The following NRG3 variants were observed in gnomAD, a reference collection of about 807,000 sequenced individuals.
NRG3 encodes pro-neuregulin-3, membrane-bound isoform.
Under a neutral mutation model 66.9 loss-of-function variants are expected in NRG3, and 31 were observed. The ratio of observed to expected loss-of-function variants is 0.46; its 90% confidence interval spans 0.35 to 0.63. The LOEUF is 0.63. Among genes scored for constraint, NRG3 ranks in the 20% least tolerant of loss-of-function variants. The pLI is 0.00. For missense variants in NRG3, 910 were observed against 878.9 expected (o/e 1.04, Z -0.45); for synonymous variants, 393 against 359.4 (o/e 1.09, Z -1.06).
chr10:82,148,424 T>C (rs1291545713), intron 1 of NRG3, among the ~76,000 whole-genome samples: 1 of 152,226 alleles, frequency 6.6e-6, no homozygotes, highest in Non-Finnish European at 1.5e-5. Context: ...GTGAGGAACT[T>C]ACTTTCTGCC....
At chr10:82,102,147 T>TGTGTGTGTATTC (rs1382778888) in intron 1 of NRG3, among the ~76,000 whole-genome samples, 1 of 84,114 alleles carries the variant, frequency 1.2e-5, no homozygotes, top group East Asian at 2.8e-4. Context: ...TATATATATA[T>TGTGTGTGTATTC]ATATATATAT....
intron 2 of NRG3, among the ~76,000 whole-genome samples, chr10:82,714,734 T>A (rs2056874916): frequency 6.6e-6 from 1 of 152,222 alleles, no homozygotes; most frequent in Non-Finnish European, 1.5e-5. Context: ...AAATATTTTT[T>A]TAATTAGCAA....
At chr10:82,275,153 A>G (rs1241430064) in intron 1 of NRG3, among the ~76,000 whole-genome samples, 2 of 152,074 alleles carry the variant, frequency 1.3e-5, no homozygotes, top group African/African-American at 2.4e-5. Context: ...AAACTTTTCT[A>G]TGATTTAAAA....
At chr10:82,460,207 G>GT (rs2131956095) in intron 2 of NRG3, among the ~76,000 whole-genome samples, 2 of 152,266 alleles carry the variant, frequency 1.3e-5, no homozygotes, top group South Asian at 4.1e-4. Context: ...GACTGAGTTG[G>GT]TACATTGGGT....
chr10:82,630,741 C>A (rs1387287931), intron 2 of NRG3, among the ~76,000 whole-genome samples: 1 of 151,838 alleles, frequency 6.6e-6, no homozygotes, highest in Non-Finnish European at 1.5e-5. Flanking sequence ...TCATATGAAT[C>A]TAGACTATTT....
At chr10:82,242,141 A>T (rs2077034361) in intron 1 of NRG3, among the ~76,000 whole-genome samples, 1 of 152,180 alleles carries the variant, frequency 6.6e-6, no homozygotes, top group Admixed American at 6.5e-5. Flanking sequence ...TAACAGTGGG[A>T]TATGACAAAC....
chr10:82,161,169 A>C (rs145805459), intron 1 of NRG3, among the ~76,000 whole-genome samples: 231 of 152,200 alleles, frequency 1.5e-3, no homozygotes, highest in African/African-American at 5.2e-3. Context: ...GATGTCAAAT[A>C]AGCCATTGAG....
Position 82,932,612 on chromosome 10 carries a change from G to A in NRG3, c.1055-18857G>A, listed in dbSNP as rs143047426. ...TCTGTGGCCAGCATCCAACTCAGCAGGATCAGATGATTCCGGAAACACTGA... is the reference window on the plus strand; with the variant it reads ...TCTGTGGCCAGCATCCAACTCAGCAAGATCAGATGATTCCGGAAACACTGA... On this transcript the variant is annotated intron_variant, in intron 4 of 8. Transcript: ENST00000372141. Among the ~76,000 whole-genome samples the A allele has an allele frequency of 9.1e-4, 138 of 152,206 alleles. 3 individuals are homozygous for A. In the East Asian group the frequency reaches 0.023, roughly 25 times the overall value.
At chr10:82,755,448 C>CA (rs1326187986) in intron 3 of NRG3, among the ~76,000 whole-genome samples, 4 of 151,998 alleles carry the variant, frequency 2.6e-5, no homozygotes, top group Admixed American at 6.6e-5. Flanking sequence ...CCTCTCTGCC[C>CA]AAAAAATCAT....
intron 2 of NRG3, among the ~76,000 whole-genome samples, chr10:82,540,127 TTTG>T (rs2043437078): frequency 6.6e-6 from 1 of 151,392 alleles, no homozygotes; most frequent in African/African-American, 2.4e-5. Context: ...CTGTTGCTGC[TTTG>T]TTTTTTTCAG....
At chr10:82,204,803 T>C (rs552612297) in intron 1 of NRG3, among the ~76,000 whole-genome samples, 1 of 152,336 alleles carries the variant, frequency 6.6e-6, no homozygotes, top group South Asian at 2.1e-4. Context: ...CTCAAAACAG[T>C]GAAGTGGCTA....
chr10:81,956,420 T>C, intron 1 of NRG3, among the ~76,000 whole-genome samples: 1 of 152,148 alleles, frequency 6.6e-6, no homozygotes, highest in Admixed American at 6.5e-5. Context: ...AGCTTTTGAG[T>C]CATTTGGTGA....
intron 3 of NRG3, among the ~76,000 whole-genome samples, chr10:82,857,588 A>T (rs1404577935): frequency 6.6e-6 from 1 of 152,184 alleles, no homozygotes; most frequent in Non-Finnish European, 1.5e-5. Flanking sequence ...ATAAAACAGG[A>T]TGATTTTGTG....
At chr10:82,046,683 C>G (rs1189611418) in intron 1 of NRG3, among the ~76,000 whole-genome samples, 2 of 47,972 alleles carry the variant, frequency 4.2e-5, no homozygotes, top group Non-Finnish European at 6.3e-5. Context: ...TTTGCCCATT[C>G]AGTATGATAT....
At chr10:82,035,574 T>G (rs2062758613) in intron 1 of NRG3, among the ~76,000 whole-genome samples, 2 of 152,270 alleles carry the variant, frequency 1.3e-5, no homozygotes, top group Admixed American at 6.5e-5. Flanking sequence ...TTACTATTCT[T>G]TCTGAAAATA....
intron 1 of NRG3, among the ~76,000 whole-genome samples, chr10:82,355,320 C>T (rs1328570884): frequency 6.6e-6 from 1 of 152,214 alleles, no homozygotes; most frequent in South Asian, 2.1e-4. Flanking sequence ...TTAGAGCACA[C>T]TGTGCCACCT....
intron 3 of NRG3, among the ~76,000 whole-genome samples, chr10:82,782,479 A>G (rs942055598): frequency 6.6e-6 from 1 of 152,124 alleles, no homozygotes; most frequent in African/African-American, 2.4e-5. Context: ...TAAACAGAAT[A>G]CCTAGTCTCA....
intron 3 of NRG3, among the ~76,000 whole-genome samples, chr10:82,829,196 A>G (rs143778005): frequency 1.1e-3 from 169 of 152,216 alleles, no homozygotes; most frequent in African/African-American, 3.9e-3. Flanking sequence ...ACCCAACTCT[A>G]GTGATTAAAA....
At chr10:82,551,601 A>T (rs1233871080) in intron 2 of NRG3, among the ~76,000 whole-genome samples, 1 of 127,272 alleles carries the variant, frequency 7.9e-6, no homozygotes, top group Non-Finnish European at 1.6e-5. Flanking sequence ...TTATTTTAAA[A>T]TACTGTTTTT....
Sources: gnomAD v4.1 joint callset for allele counts (sites outside exome capture counted in the v4.1 genomes callset) on GRCh38, gnomAD v4.1.1 for gene constraint, MANE v1.5 for transcripts, NCBI Gene and HGNC (gene_info 2026-07-23, HGNC 2026-07-21) for gene names.